USP32: variants seen among roughly 807,000 people sequenced by gnomAD.
USP32 encodes ubiquitin carboxyl-terminal hydrolase 32.
In USP32, 59 loss-of-function variants were observed where a neutral mutation model predicts 204.8. The observed-to-expected ratio is 0.29, with a 90% CI of 0.23 to 0.36. The LOEUF (loss-of-function observed/expected upper bound fraction) is 0.36, where lower values mean the gene tolerates loss of function less well. Among genes scored for constraint, USP32 ranks in the 10% least tolerant of loss-of-function variants. The pLI is 1.00. For synonymous variants in USP32, 517 were observed against 678.4 expected, an observed-to-expected ratio of 0.76 and a Z score of 3.70; for missense variants, 1,160 against 1,946.4, an observed-to-expected ratio of 0.60 and a Z score of 7.60.
chr17:60,357,772 ACT>A (rs2089118196), intron 1 of USP32, among the ~76,000 whole-genome samples: 1 of 151,676 alleles, frequency 6.6e-6, no homozygotes, highest in Admixed American at 6.6e-5. Flanking sequence ...GCATTTAGAT[ACT>A]TTTTTTTTTT....
intron 11 of USP32, chr17:60,245,218 G>A (rs2085984729): frequency 4.9e-6 from 1 of 203,796 alleles, no homozygotes; most frequent in Non-Finnish European, 9.6e-6. Context: ...TTCTACTATT[G>A]GTGCTCTTTA....
chr17:60,185,632 C>T lies in USP32; in HGVS notation c.3662G>A (p.Ser1221Asn). 2.5e-6 allele frequency: 4 copies of T among 1,611,240 alleles called. No individual in the cohort carries two copies. The highest frequency in any genetic ancestry group is 3.4e-6 in the Non-Finnish European group (4 of 1,179,206). ...SQERVVDEHESVEQSRRAQAE... is the reference protein window; with the variant it reads ...SQERVVDEHENVEQSRRAQAE... ...TTGCGCTCGCCGACTCTGCTCCACACTCTCATGCTCATCTACAACCTGCAG... is the reference window on the plus strand; with the variant it reads ...TTGCGCTCGCCGACTCTGCTCCACATTCTCATGCTCATCTACAACCTGCAG... The change falls in exon 30 of 34, where the codon AGT becomes AAT. Residue 1221 changes from serine (S) to asparagine (N), a missense_variant. Transcript: ENST00000300896.
chr17:60,266,002 T>G lies in USP32; in HGVS notation c.901A>C (p.Lys301Gln). 6.2e-7 allele frequency: 1 copy of G among 1,614,034 alleles called. No homozygotes were observed. Among genetic ancestry groups the G allele is most frequent in the Non-Finnish European group, 8.5e-7 (1 of 1,179,952 alleles). ...GGAATATCATCAGTGCGGTTGTCCT[T>G]CCAGACTTCTAAAAGTGCAACCACC... is the stretch of plus-strand genomic sequence containing the variant. The part of the protein sequence containing the change: ...DMVVALLEVW[K>Q]DNRTDDIPEL... The change falls in exon 8 of 34, where the codon AAG (lysine) becomes CAG (glutamine). Residue 301 changes from lysine (K) to glutamine (Q), a missense_variant. Transcript: ENST00000300896.
intron 1 of USP32, among the ~76,000 whole-genome samples, chr17:60,361,637 T>C (rs183750164): frequency 1.3e-4 from 20 of 152,326 alleles, no homozygotes; most frequent in Admixed American, 8.5e-4. Flanking sequence ...TTGTTCACTA[T>C]TGCTTAGTAG....
In USP32 at chr17:60,404,716, T is replaced by C. The variant is rs1238881415; in HGVS notation, c.106+17530A>G. 2.6e-5 allele frequency among the ~76,000 whole-genome samples: 4 copies of C among 152,192 alleles called. 1 individual carries two copies. The highest frequency in any genetic ancestry group is 5.9e-5 in the Non-Finnish European group (4 of 68,042). On this transcript the variant is annotated intron_variant, in intron 1 of 3. Transcript: ENST00000588898. ...TGGGATTAGCTGCCTTGAAGAACCATCATTGTGTTCCCAGAGTTCAAATTC... is the reference window on the plus strand; with the variant it reads ...TGGGATTAGCTGCCTTGAAGAACCACCATTGTGTTCCCAGAGTTCAAATTC...
intron 2 of USP32, among the ~76,000 whole-genome samples, chr17:60,342,771 C>A (rs2088690576): frequency 6.6e-6 from 1 of 152,194 alleles, no homozygotes; most frequent in Admixed American, 6.5e-5. Flanking sequence ...GTTGCTAAGA[C>A]CTTGGGGAAA....
chr17:60,178,536 T>C lies in USP32; in HGVS notation c.*719A>G, dbSNP rs1326084116. Among the ~76,000 whole-genome samples the C allele has an allele frequency of 6.6e-6, 1 of 152,172 alleles. No homozygotes were observed. Among genetic ancestry groups the C allele is most frequent in the Non-Finnish European group, 1.5e-5 (1 of 68,032 alleles). ...GGTAGCTGGATTTCCCAGGATGCTG[T>C]TTCTTTCTACTGGGTCTCCCACAAG... On this transcript the variant is annotated 3_prime_UTR_variant, in exon 34 of 34. Coordinates refer to ENST00000300896, the MANE Select transcript of USP32 (RefSeq NM_032582.4).
chr17:60,296,907 T>A (rs2087443643), intron 3 of USP32, among the ~76,000 whole-genome samples: 1 of 152,146 alleles, frequency 6.6e-6, no homozygotes, highest in Non-Finnish European at 1.5e-5. Context: ...TAAAAACAGA[T>A]ACTGGTCATG....
intron 29 of USP32, among the ~76,000 whole-genome samples, chr17:60,186,696 T>A (rs1938535350): frequency 6.6e-6 from 1 of 152,036 alleles, no homozygotes; most frequent in Admixed American, 6.5e-5. Flanking sequence ...AGGAATTAAG[T>A]ATAAGAAAGG....
At chr17:60,288,496 A>G (rs1264836276) in intron 5 of USP32, 27 bp downstream of exon 5, 1 of 1,562,862 alleles carries the variant, frequency 6.4e-7, no homozygotes, top group East Asian at 2.3e-5. Context: ...AAAGGCAAAC[A>G]GAAAACAATG....
intron 12 of USP32, among the ~76,000 whole-genome samples, chr17:60,231,047 G>T (rs1054815034): frequency 6.6e-6 from 1 of 152,180 alleles, no homozygotes; most frequent in Non-Finnish European, 1.5e-5. Context: ...AGTTTCACCT[G>T]TAGAGAGAAA....
intron 22 of USP32, among the ~76,000 whole-genome samples, chr17:60,209,144 C>T (rs1371234381): frequency 6.6e-6 from 1 of 152,098 alleles, no homozygotes; most frequent in African/African-American, 2.4e-5. Flanking sequence ...ACATCCAGTC[C>T]CATAAAGTTT....
chr17:60,190,972 G>GAAA (rs2084365347), intron 28 of USP32, among the ~76,000 whole-genome samples: 1 of 152,144 alleles, frequency 6.6e-6, no homozygotes, highest in Non-Finnish European at 1.5e-5. Flanking sequence ...AAATGACATG[G>GAAA]GAATTGCCTG....
chr17:60,318,466 A>G (rs2088036025), intron 2 of USP32, among the ~76,000 whole-genome samples: 1 of 152,338 alleles, frequency 6.6e-6, no homozygotes, highest in Non-Finnish European at 1.5e-5. Flanking sequence ...GGACTTGTTC[A>G]CATCTCTAGA....
intron 1 of USP32, among the ~76,000 whole-genome samples, chr17:60,388,179 A>C (rs1207753669): frequency 6.6e-6 from 1 of 152,166 alleles, no homozygotes; most frequent in Non-Finnish European, 1.5e-5. Flanking sequence ...CTCAGCTACT[A>C]AGAGCAATAT....
At chr17:60,250,288 T>C (rs1325514792) in intron 11 of USP32, among the ~76,000 whole-genome samples, 1 of 152,138 alleles carries the variant, frequency 6.6e-6, no homozygotes, top group African/African-American at 2.4e-5. Flanking sequence ...TTACAAAGAA[T>C]AACTTTCTAT....
intron 4 of USP32, among the ~76,000 whole-genome samples, chr17:60,289,747 T>C (rs1039259390): frequency 6.6e-6 from 1 of 151,972 alleles, no homozygotes; most frequent in Non-Finnish European, 1.5e-5. Context: ...GGAAATACAA[T>C]GAAGCTACAA....
intron 1 of USP32, among the ~76,000 whole-genome samples, chr17:60,409,242 A>G (rs922203524): frequency 4.5e-4 from 69 of 152,250 alleles, no homozygotes; most frequent in African/African-American, 1.6e-3. Context: ...CCGCTGCTAG[A>G]GGGGCTGAGG....
chr17:60,183,492 T>C (rs2084168417), intron 30 of USP32, 39 bp from the exon 31 acceptor site: 1 of 1,525,986 alleles, frequency 6.6e-7, no homozygotes, highest in Non-Finnish European at 8.8e-7. Context: ...CATTAAAGGG[T>C]TCTGAAGATA....
Sources: allele counts gnomAD v4.1 joint callset (sites outside exome capture counted in the v4.1 genomes callset), GRCh38; gene constraint gnomAD v4.1.1; transcripts MANE v1.5; gene names NCBI Gene and HGNC (gene_info 2026-07-23, HGNC 2026-07-21).